Variants in CWC15 observed in about 807,000 individuals in gnomAD.
CWC15 encodes spliceosome-associated protein CWC15 homolog.
CWC15 carries 12 observed loss-of-function variants against 28.4 expected under a neutral mutation model. The ratio of observed to expected loss-of-function variants is 0.42; its 90% confidence interval spans 0.27 to 0.69. The LOEUF is 0.69. Ranked by LOEUF, CWC15 falls within the 30% of genes least tolerant of loss-of-function variation. The probability of loss-of-function intolerance (pLI) is 0.23; values close to 1 mark genes in which losing one functional copy is unlikely to be tolerated. For missense variants in CWC15, 192 were observed against 271.5 expected (o/e 0.71, Z 2.06); for synonymous variants, 92 against 88.4 (o/e 1.04, Z -0.23).
Position 94,963,421 on chromosome 11 carries a change from T to C in CWC15, c.654A>G (p.Glu218=). The C allele has an allele frequency of 2.5e-6, 4 of 1,582,770 alleles. No homozygotes were observed. The highest frequency in any genetic ancestry group is 3.4e-6 in the Non-Finnish European group (4 of 1,162,224). Residue 218 remains glutamate, a synonymous_variant, in exon 7 of 7, where the codon GAA becomes GAG. Coordinates refer to ENST00000279839, the MANE Select transcript of CWC15 (RefSeq NM_016403.4). ...ATTTCTCCATGAACTTTTTGTGAAATTCAGATCGCAGTGTGTCATTTACAA... is the reference window on the plus strand; with the variant it reads ...ATTTCTCCATGAACTTTTTGTGAAACTCAGATCGCAGTGTGTCATTTACAA... ...KRFVNDTLRS[E]FHKKFMEKYI...
chr11:94,970,103 G>GAAC lies in CWC15; in HGVS notation c.334-10_334-8dup. ...CAAAATCTTCATCTTCCTCCTAAAAGAACAGTGAGAGCCCAGAAGATTGGA... is the reference window on the plus strand; with the variant it reads ...CAAAATCTTCATCTTCCTCCTAAAAGAACAACAGTGAGAGCCCAGAAGATTGGA... On this transcript the variant is annotated splice_polypyrimidine_tract_variant and splice_region_variant and intron_variant, in intron 4 of 6. Transcript: ENST00000279839. The GAAC allele has an allele frequency of 1.4e-6, 2 of 1,386,542 alleles. No homozygotes were observed. Among genetic ancestry groups the GAAC allele is most frequent in the Non-Finnish European group, 2.0e-6 (2 of 1,001,510 alleles). The allele number at this position is 1,386,542 out of a possible 1,614,324, so 85.9% of individuals were successfully genotyped here. A position where few individuals can be genotyped will look rare whatever the true frequency, so the allele number is the denominator to read the frequency against.
At chr11:94,966,532 G>C in intron 5 of CWC15, 119 bp from the exon 6 acceptor site, 13 of 420,554 alleles carry the variant, frequency 3.1e-5, no homozygotes, top group East Asian at 4.8e-5. Flanking sequence ...GGCAACAAAA[G>C]CATCAAGGCA....
intron 5 of CWC15, among the ~76,000 whole-genome samples, chr11:94,967,689 A>G (rs906841392): frequency 2.6e-5 from 4 of 152,194 alleles, no homozygotes; most frequent in African/African-American, 9.6e-5. Context: ...AATGAATTTC[A>G]TTTTTATGAA....
At position 94,972,078 on chromosome 11, in the gene CWC15, G is replaced by A; in HGVS notation, c.108C>T (p.Pro36=). The change falls in exon 2 of 7, where the codon CCC becomes CCT. Residue 36 remains proline, a synonymous_variant. Transcript: ENST00000279839. The part of the protein sequence containing the change: ...LSKQYSSRDL[P]SHTKIKYRQT... ...ACCTGTATTTTATCTTTGTATGAGA[G>A]GGTAGGTCTCTGCTTGAATACTGCT... 6.2e-7 allele frequency: 1 copy of A among 1,613,502 alleles called. No individual in the cohort carries two copies. The highest frequency in any genetic ancestry group is 8.5e-7 in the Non-Finnish European group (1 of 1,179,670).
At chr11:94,968,612 T>G (rs1857677608) in intron 5 of CWC15, among the ~76,000 whole-genome samples, 1 of 152,238 alleles carries the variant, frequency 6.6e-6, no homozygotes, top group South Asian at 2.1e-4. Context: ...TCTTTGACTT[T>G]TAAAAACTAG....
chr11:94,973,545 A>T lies in CWC15; in HGVS notation c.-56T>A, dbSNP rs932852758. 2 of 152,372 alleles carry T rather than the reference A, an allele frequency of 1.3e-5. No individual in the cohort carries two copies. Among genetic ancestry groups the T allele is most frequent in the Non-Finnish European group, 2.9e-5 (2 of 68,132 alleles). 9.4% of individuals were successfully genotyped at this position (152,372 alleles called of 1,614,324 possible). On this transcript the variant is annotated 5_prime_UTR_variant, in exon 1 of 7. It removes an upstream start codon present in the reference 5' UTR. Coordinates refer to ENST00000279839, the MANE Select transcript of CWC15 (RefSeq NM_016403.4). ...AGGCTCCGAAGATCATACAGACGCC[A>T]TTACCACTCTTGGCTCCCAGAAACC...
rs114877923 is a variant in CWC15 at position 94,972,994 on chromosome 11, T to C, written c.-9+504A>G. Reference sequence around the variant, plus strand: ...GCAGATGCAGTCACTAAAACCCTGTTAGTGTCGGAAAAGCAAGTGTGTGGG... The same window carrying C: ...GCAGATGCAGTCACTAAAACCCTGTCAGTGTCGGAAAAGCAAGTGTGTGGG... On this transcript the variant is annotated intron_variant, in intron 1 of 6. Transcript: ENST00000279839. Among the ~76,000 whole-genome samples the C allele has an allele frequency of 2.7e-3, 369 of 135,366 alleles. 1 individual carries two copies. The highest frequency in any genetic ancestry group is 9.6e-3 in the African/African-American group (345 of 36,026). The allele number at this position is 135,366 out of a possible 152,430, so 88.8% of individuals were successfully genotyped here.
chr11:94,963,351 T>C lies in CWC15; in HGVS notation c.*34A>G. ...AAAAAAGTCAGAATGATCCTTTACG[T>C]TTTACAGTCTTTAATTAAGCACATA... On this transcript the variant is annotated 3_prime_UTR_variant, in exon 7 of 7. Coordinates refer to ENST00000279839, the MANE Select transcript of CWC15 (RefSeq NM_016403.4). 1 of 1,503,902 alleles carries C rather than the reference T, an allele frequency of 6.6e-7. No individual in the cohort carries two copies. Among genetic ancestry groups the C allele is most frequent in the East Asian group, 2.4e-5 (1 of 42,280 alleles). The allele number at this position is 1,503,902 out of a possible 1,614,324, so 93.2% of individuals were successfully genotyped here. A position where few individuals can be genotyped will look rare whatever the true frequency, so the allele number is the denominator to read the frequency against.
intron 6 of CWC15, 31 bp downstream of exon 6, chr11:94,966,264 C>T (rs1857640590): frequency 2.9e-6 from 3 of 1,025,996 alleles, no homozygotes; most frequent in African/African-American, 1.6e-5. Flanking sequence ...CACACACACA[C>T]ACACTCCATT....
chr11:94,970,068 C>A lies in CWC15; in HGVS notation c.362G>T (p.Ser121Ile). 6.4e-7 allele frequency: 1 copy of A among 1,556,216 alleles called. No individual in the cohort carries two copies. Among genetic ancestry groups the A allele is most frequent in the African/African-American group, 1.4e-5 (1 of 73,666 alleles). The change falls in exon 5 of 7, where the codon AGT (serine) becomes ATT (isoleucine). Residue 121 changes from serine (S) to isoleucine (I), a missense_variant. Around this residue, in one of 2 missense-constraint regions of CWC15, gnomAD observed 188 missense variants for 250.3 expected, o/e 0.75. Transcript: ENST00000279839. ...DEEDEDFEEE[S>I]DDDDTAALLA... ...AAGAGCTGCAGTATCATCATCATCA[C>A]TTTCTTCTTCAAAATCTTCATCTTC...
chr11:94,967,591 T>G (rs1327909378), intron 5 of CWC15, among the ~76,000 whole-genome samples: 1 of 152,218 alleles, frequency 6.6e-6, no homozygotes, highest in African/African-American at 2.4e-5. Flanking sequence ...ACAGATGGTG[T>G]GGAAGTCATT....
Position 94,971,075 on chromosome 11 carries a change from A to G in CWC15, c.245-10T>C. 8.1e-6 allele frequency: 13 copies of G among 1,606,086 alleles called. No individual in the cohort carries two copies. Among genetic ancestry groups the G allele is most frequent in the Non-Finnish European group, 1.0e-5 (12 of 1,172,778 alleles). On this transcript the variant is annotated splice_polypyrimidine_tract_variant and intron_variant, in intron 3 of 6. Coordinates refer to ENST00000279839, the MANE Select transcript of CWC15 (RefSeq NM_016403.4). ...GAGGAGGTTGTATGTTCTGGGGGGA[A>G]ACAAAAATCATTTAACTTAGTAAAA...
rs1555095301 is a variant in CWC15, at chr11:94,966,380, G to A, written c.475C>T (p.Arg159Cys). The change falls in exon 6 of 7, where the codon CGT (arginine) becomes TGT (cysteine). Residue 159 changes from arginine to cysteine, a missense_variant. Arg to Cys is a radical substitution (Grantham distance 180, BLOSUM62 -3). This residue lies in a region of CWC15 where 188 missense variants were observed against 250.3 expected (regional missense o/e 0.75). Coordinates refer to ENST00000279839, the MANE Select transcript of CWC15 (RefSeq NM_016403.4). ...QEQKAEEERI[R>C]MENILSGNPL... Reference sequence around the variant, plus strand: ...TTTCCGCTCAGAATGTTTTCCATACGAATCCTCTCTTCTTCAGCTTTTTGT... The same window carrying A: ...TTTCCGCTCAGAATGTTTTCCATACAAATCCTCTCTTCTTCAGCTTTTTGT... 2.6e-6 allele frequency: 4 copies of A among 1,554,676 alleles called. No individual in the cohort carries two copies. Among genetic ancestry groups the A allele is most frequent in the South Asian group, 1.2e-5 (1 of 84,226 alleles).
chr11:94,964,799 G>A (rs183033125), intron 6 of CWC15, among the ~76,000 whole-genome samples: 1 of 152,296 alleles, frequency 6.6e-6, no homozygotes, highest in African/African-American at 2.4e-5. Context: ...CTGGCTAGAT[G>A]ATTAGAACAG....
intron 6 of CWC15, among the ~76,000 whole-genome samples, chr11:94,965,150 G>A (rs1857620930): frequency 1.3e-5 from 2 of 151,998 alleles, no homozygotes; most frequent in South Asian, 4.2e-4. Context: ...CATCACTCCA[G>A]AGAGGAGGGC....
chr11:94,969,850 T>G, intron 5 of CWC15, 139 bp downstream of exon 5: 1 of 452,124 alleles, frequency 2.2e-6, no homozygotes, highest in Non-Finnish European at 3.8e-6. Context: ...AATAATCATT[T>G]ATAGATCTAC....
intron 5 of CWC15, among the ~76,000 whole-genome samples, chr11:94,969,557 T>C (rs375156819): frequency 6.6e-6 from 1 of 151,602 alleles, no homozygotes; most frequent in African/African-American, 2.4e-5. Context: ...AGAGAGACTG[T>C]GGGGGCTCAG....
chr11:94,966,545 C>CT (rs34432027), intron 5 of CWC15, 132 bp from the exon 6 acceptor site: 30,489 of 237,336 alleles, frequency 0.13, 1,704 homozygotes, highest in Non-Finnish European at 0.15. Context: ...TCAAGGCAGG[C>CT]TTTTTTTTTT....
rs1323577884 is a variant in CWC15 at position 94,963,303 on chromosome 11, G to T, written c.*82C>A. On this transcript the variant is annotated 3_prime_UTR_variant, in exon 7 of 7. Transcript: ENST00000279839. ...GAAGCCCACACACAATTTAGACAGG[G>T]GAAAAGAAAAAAAAAACTCATAAAA... 1.1e-5 allele frequency: 13 copies of T among 1,134,532 alleles called. No individual in the cohort carries two copies. Among genetic ancestry groups the T allele is most frequent in the Non-Finnish European group, 1.5e-5 (13 of 850,346 alleles). 70.3% of individuals were successfully genotyped at this position (1,134,532 alleles called of 1,614,324 possible).
Sources: allele counts gnomAD v4.1 joint callset (sites outside exome capture counted in the v4.1 genomes callset), GRCh38; gene constraint gnomAD v4.1.1; regional missense constraint gnomAD v4.1.1; transcripts MANE v1.5; gene names NCBI Gene and HGNC (gene_info 2026-07-23, HGNC 2026-07-21).